The following ZNF385D variants were observed in gnomAD, a reference collection of about 807,000 sequenced individuals.
The protein encoded by ZNF385D is zinc finger protein 385D.
In ZNF385D, 15 loss-of-function variants were observed where a neutral mutation model predicts 35.8. The ratio of observed to expected loss-of-function variants is 0.42; its 90% confidence interval spans 0.28 to 0.64. The LOEUF (loss-of-function observed/expected upper bound fraction) is 0.64. Ranked by LOEUF, ZNF385D falls within the 30% of genes least tolerant of loss-of-function variation. ZNF385D has a pLI of 0.23. For synonymous variants in ZNF385D, 212 were observed against 186.8 expected (o/e 1.13, Z -1.10); for missense variants, 474 against 494.6 (o/e 0.96, Z 0.39).
intron 1 of ZNF385D, among the ~76,000 whole-genome samples, chr3:21,699,349 G>A (rs1322056186): frequency 6.6e-6 from 1 of 152,102 alleles, no homozygotes; most frequent in Non-Finnish European, 1.5e-5. Flanking sequence ...GGGGTGAGGG[G>A]CTAGGGGAGG....
At chr3:21,929,218 G>A (rs1203676099) in intron 3 of ZNF385D, among the ~76,000 whole-genome samples, 3 of 151,822 alleles carry the variant, frequency 2.0e-5, no homozygotes, top group Admixed American at 6.6e-5. Context: ...AATAAAGAAC[G>A]AAAACCACAT....
At chr3:21,886,636 A>G (rs1368266101) in intron 3 of ZNF385D, among the ~76,000 whole-genome samples, 3 of 152,108 alleles carry the variant, frequency 2.0e-5, no homozygotes, top group African/African-American at 7.2e-5. Context: ...CATTGTCTGT[A>G]CTGAACTGGA....
At chr3:22,269,965 T>C (rs1373913076) in intron 2 of ZNF385D, among the ~76,000 whole-genome samples, 1 of 151,892 alleles carries the variant, frequency 6.6e-6, no homozygotes, top group Non-Finnish European at 1.5e-5. Context: ...TAGTAGTGTA[T>C]AGCAGCACTT....
chr3:21,540,722 A>C (rs2062152372), intron 3 of ZNF385D, among the ~76,000 whole-genome samples: 1 of 152,212 alleles, frequency 6.6e-6, no homozygotes, highest in African/African-American at 2.4e-5. Flanking sequence ...TTAAAAGCTC[A>C]TTTATGCCCA....
chr3:21,709,207 C>CA (rs1392710290), intron 1 of ZNF385D, among the ~76,000 whole-genome samples: 3 of 152,192 alleles, frequency 2.0e-5, no homozygotes, highest in Non-Finnish European at 4.4e-5. Context: ...TTCAGGATCT[C>CA]ACGTTCCTTT....
chr3:21,765,312 G>A (rs2070780169), intron 3 of ZNF385D, among the ~76,000 whole-genome samples: 1 of 151,900 alleles, frequency 6.6e-6, no homozygotes, highest in Non-Finnish European at 1.5e-5. Context: ...AATACTGATG[G>A]AAAAATATAG....
At chr3:21,571,806 C>T (rs907290448) in intron 2 of ZNF385D, among the ~76,000 whole-genome samples, 28 of 152,100 alleles carry the variant, frequency 1.8e-4, no homozygotes, top group African/African-American at 6.0e-4. Context: ...GTAAAGGACA[C>T]GATTCAGAAG....
chr3:21,874,537 C>T (rs929367412), intron 3 of ZNF385D, among the ~76,000 whole-genome samples: 2 of 152,102 alleles, frequency 1.3e-5, no homozygotes, highest in Admixed American at 6.6e-5. Context: ...TGTATGTGGG[C>T]TTTCTATTCC....
intron 2 of ZNF385D, among the ~76,000 whole-genome samples, chr3:22,246,199 A>G (rs971499932): frequency 6.6e-6 from 1 of 152,166 alleles, no homozygotes; most frequent in Non-Finnish European, 1.5e-5. Context: ...CTTTTCAAAC[A>G]TAACTGTCTT....
intron 2 of ZNF385D, among the ~76,000 whole-genome samples, chr3:22,175,460 A>G (rs1199801448): frequency 6.6e-6 from 1 of 151,898 alleles, no homozygotes; most frequent in African/African-American, 2.4e-5. Context: ...AAAAATGAGA[A>G]AAAAAAAGCT....
chr3:21,959,176 T>C (rs1003816736), intron 3 of ZNF385D, among the ~76,000 whole-genome samples: 6 of 152,166 alleles, frequency 3.9e-5, no homozygotes, highest in Non-Finnish European at 8.8e-5. Flanking sequence ...TATACAGCAA[T>C]GTGAGAATCT....
intron 1 of ZNF385D, among the ~76,000 whole-genome samples, chr3:21,706,191 A>G (rs1388596940): frequency 6.6e-6 from 1 of 152,224 alleles, no homozygotes; most frequent in Middle Eastern, 3.2e-3. Context: ...TTCAATGAGG[A>G]CATACAACCT....
intron 2 of ZNF385D, among the ~76,000 whole-genome samples, chr3:21,577,081 T>C (rs1012337050): frequency 2.0e-5 from 3 of 152,190 alleles, no homozygotes; most frequent in African/African-American, 7.2e-5. Flanking sequence ...TTTAATAAAG[T>C]GCTAAAGAAC....
intron 2 of ZNF385D, among the ~76,000 whole-genome samples, chr3:22,217,219 C>T (rs1338334734): frequency 6.6e-6 from 1 of 152,066 alleles, no homozygotes; most frequent in Non-Finnish European, 1.5e-5. Context: ...CCTATTCTTT[C>T]TGCCTTGCTC....
intron 1 of ZNF385D, among the ~76,000 whole-genome samples, chr3:21,695,768 T>C (rs2067450823): frequency 6.6e-6 from 1 of 151,088 alleles, no homozygotes; most frequent in Non-Finnish European, 1.5e-5. Flanking sequence ...TATATATATA[T>C]ATAAAGTTAA....
At chr3:21,785,465 C>T (rs2071652810) in intron 3 of ZNF385D, among the ~76,000 whole-genome samples, 2 of 152,068 alleles carry the variant, frequency 1.3e-5, no homozygotes, top group Non-Finnish European at 2.9e-5. Flanking sequence ...GTACACTATG[C>T]AATATTAATA....
chr3:21,507,764 C>T (rs189253724), intron 4 of ZNF385D, among the ~76,000 whole-genome samples: 5 of 152,208 alleles, frequency 3.3e-5, no homozygotes, highest in Non-Finnish European at 4.4e-5. Context: ...CAGAGTTGTG[C>T]TAATCAGTAT....
intron 3 of ZNF385D, among the ~76,000 whole-genome samples, chr3:21,921,394 G>T (rs1298480973): frequency 1.3e-5 from 2 of 152,070 alleles, no homozygotes; most frequent in Non-Finnish European, 2.9e-5. Context: ...GATGCCAAAT[G>T]TATTAAGAGG....
intron 3 of ZNF385D, among the ~76,000 whole-genome samples, chr3:22,048,902 T>G (rs1699174093): frequency 6.6e-6 from 1 of 152,182 alleles, no homozygotes; most frequent in Non-Finnish European, 1.5e-5. Context: ...CATTTGTCTG[T>G]ATCTTGTTGT....
Sources: gnomAD v4.1 joint callset for allele counts (sites outside exome capture counted in the v4.1 genomes callset) on GRCh38, gnomAD v4.1.1 for gene constraint, MANE v1.5 for transcripts, NCBI Gene and HGNC (gene_info 2026-07-23, HGNC 2026-07-21) for gene names.